SLC25A48: variants seen among roughly 807,000 people sequenced by gnomAD.
The protein encoded by SLC25A48 is CTC-321K16.1.
SLC25A48 carries 29 observed loss-of-function variants against 32.2 expected under a neutral mutation model. That is an observed-to-expected ratio of 0.90 (90% CI 0.67 to 1.23). The LOEUF (loss-of-function observed/expected upper bound fraction) is 1.23. Ranked by LOEUF, SLC25A48 falls within the 50% of genes most tolerant of loss-of-function variation. SLC25A48 has a pLI of 0.00. For missense variants in SLC25A48, 399 were observed against 422.7 expected, an observed-to-expected ratio of 0.94 and a Z score of 0.49; for synonymous variants, 164 against 172.3, an observed-to-expected ratio of 0.95 and a Z score of 0.38.
At chr5:135,830,186 A>G (rs1451633550), upstream of SLC25A48, among the ~76,000 whole-genome samples, 2 of 152,102 alleles carry the variant, frequency 1.3e-5, no homozygotes, top group East Asian at 1.9e-4. Context: ...TCTGCCAGCC[A>G]GTGCCAGGCA....
intron 5 of SLC25A48, 77 bp downstream of exon 5, chr5:135,871,795 T>C (rs1761674213): frequency 6.3e-7 from 1 of 1,588,680 alleles, no homozygotes; most frequent in African/African-American, 1.3e-5. Context: ...GCCATGCCCT[T>C]CTCAGCCCAG....
rs935626633 is a variant in SLC25A48 at position 135,888,486 on chromosome 5, C to G, written c.*462C>G. 4 of 183,414 alleles carry G rather than the reference C, an allele frequency of 2.2e-5. No homozygotes were observed. The highest frequency in any genetic ancestry group is 1.1e-4 in the Admixed American group (2 of 18,068). The allele number at this position is 183,414 out of a possible 1,614,324, so 11.4% of individuals were successfully genotyped here. Reference sequence around the variant, plus strand: ...CCAGGTTTTTCCCCGCTCCTGCACCCGTGGATCCTGAGGACAGCGGTAGCG... The same window carrying G: ...CCAGGTTTTTCCCCGCTCCTGCACCGGTGGATCCTGAGGACAGCGGTAGCG... On this transcript the variant is annotated 3_prime_UTR_variant, in exon 8 of 8. Transcript: ENST00000681962.
rs186562859 is a variant in SLC25A48, at chr5:135,794,264, C to T, written c.-520-18259C>T. 2.7e-5 allele frequency among the ~76,000 whole-genome samples: 4 copies of T among 150,048 alleles called. No individual in the cohort carries two copies. In the East Asian group the frequency reaches 7.9e-4, roughly 30 times the overall value. On this transcript the variant is annotated intron_variant, in intron 3 of 10. Transcript: ENST00000646290. The stretch of plus-strand genomic sequence containing the variant: ...AGGGGGGGAGTGGATGATGTTACTC[C>T]CAATATTGCGGGGGATATCCTTTGT...
intron 2 of SLC25A48, among the ~76,000 whole-genome samples, chr5:135,843,610 G>A (rs922305041): frequency 6.6e-6 from 1 of 152,192 alleles, no homozygotes; most frequent in Non-Finnish European, 1.5e-5. Context: ...TGAAGAGTCA[G>A]GGATGGCCTC....
At chr5:135,680,746 T>C (rs1344653571) in intron 3 of SLC25A48, among the ~76,000 whole-genome samples, 2 of 152,076 alleles carry the variant, frequency 1.3e-5, no homozygotes, top group African/African-American at 4.8e-5. Context: ...TCCCACCAGG[T>C]CCCTCCCATG....
At chr5:135,748,805 G>GC (rs1755702533) in intron 3 of SLC25A48, among the ~76,000 whole-genome samples, 1 of 148,272 alleles carries the variant, frequency 6.7e-6, no homozygotes, top group Non-Finnish European at 1.5e-5. Flanking sequence ...TGCAACCTCC[G>GC]CCTCCCAGGT....
chr5:135,721,054 T>G (rs1383442128), intron 3 of SLC25A48, among the ~76,000 whole-genome samples: 3 of 151,948 alleles, frequency 2.0e-5, no homozygotes, highest in Non-Finnish European at 4.4e-5. Context: ...TTATTTTTAT[T>G]TATTTGAGGC....
intron 3 of SLC25A48, among the ~76,000 whole-genome samples, chr5:135,785,243 C>T (rs1181502777): frequency 6.6e-6 from 1 of 151,988 alleles, no homozygotes; most frequent in African/African-American, 2.4e-5. Context: ...TCGTAATGTC[C>T]GGGTGGGGAG....
intron 1 of SLC25A48, among the ~76,000 whole-genome samples, chr5:135,628,978 T>A (rs1263486903): frequency 6.6e-6 from 1 of 152,218 alleles, no homozygotes; most frequent in Non-Finnish European, 1.5e-5. Flanking sequence ...TCCACAGCAC[T>A]GGGGCCAGGA....
At chr5:135,799,526 A>G (rs1299564633) in intron 3 of SLC25A48, among the ~76,000 whole-genome samples, 1 of 151,520 alleles carries the variant, frequency 6.6e-6, no homozygotes, top group Non-Finnish European at 1.5e-5. Context: ...TATTATTCCC[A>G]TTATCGAAGG....
chr5:135,861,422 CA>C (rs1477004953), intron 4 of SLC25A48, among the ~76,000 whole-genome samples: 5 of 151,870 alleles, frequency 3.3e-5, no homozygotes, highest in African/African-American at 1.2e-4. Flanking sequence ...CCACTGAACC[CA>C]AAAAAGGTTA....
At position 135,781,048 on chromosome 5, in the gene SLC25A48, AG is replaced by A. The variant is rs763794669; in HGVS notation, c.-520-31470del. The stretch of plus-strand genomic sequence containing the variant: ...ATGATGATTCTACTTCCAATATTGC[AG>A]GGGGCGTACACCACCTCTGATATTG... On this transcript the variant is annotated intron_variant, in intron 3 of 10. Coordinates refer to the SLC25A48 transcript ENST00000646290. Among the ~76,000 whole-genome samples, 7 of 116,180 alleles carry A rather than the reference AG, an allele frequency of 6.0e-5. 2 individuals are homozygous for A. Among genetic ancestry groups the A allele is most frequent in the Non-Finnish European group, 1.5e-4 (7 of 47,134 alleles). The allele number at this position is 116,180 out of a possible 152,430, so 76.2% of individuals were successfully genotyped here. A position where few individuals can be genotyped will look rare whatever the true frequency, so the allele number is the denominator to read the frequency against.
upstream of SLC25A48, among the ~76,000 whole-genome samples, chr5:135,832,556 T>C (rs898548970): frequency 2.0e-5 from 3 of 152,046 alleles, no homozygotes; most frequent in African/African-American, 7.2e-5. Context: ...TGGAGAGCCT[T>C]CCCTGATTGC....
chr5:135,717,793 T>C (rs1269917201), intron 3 of SLC25A48, among the ~76,000 whole-genome samples: 1 of 152,190 alleles, frequency 6.6e-6, no homozygotes, highest in East Asian at 1.9e-4. Context: ...GATTTCGGAC[T>C]TCTTGCCTTC....
intron 3 of SLC25A48, among the ~76,000 whole-genome samples, chr5:135,669,738 A>G (rs1351456383): frequency 2.6e-5 from 4 of 152,214 alleles, no homozygotes; most frequent in African/African-American, 9.6e-5. Flanking sequence ...TGAGTTCTCA[A>G]TGAACAGCCT....
At chr5:135,838,028 T>C (rs998558253) in intron 1 of SLC25A48, among the ~76,000 whole-genome samples, 1 of 152,118 alleles carries the variant, frequency 6.6e-6, no homozygotes, top group African/African-American at 2.4e-5. Flanking sequence ...TAGAGACTTG[T>C]TGAATGGTTT....
At chr5:135,593,606 A>T (rs1174539795) in intron 1 of SLC25A48, among the ~76,000 whole-genome samples, 1 of 152,240 alleles carries the variant, frequency 6.6e-6, no homozygotes, top group Admixed American at 6.5e-5. Flanking sequence ...GATGGAGGAC[A>T]GCGCCTTCAG....
intron 6 of SLC25A48, among the ~76,000 whole-genome samples, chr5:135,878,340 C>T (rs1241610341): frequency 6.6e-6 from 1 of 152,178 alleles, no homozygotes; most frequent in African/African-American, 2.4e-5. Flanking sequence ...CTGTGGGCAC[C>T]GGCATGGAAT....
chr5:135,583,050 C>T (rs1751268904), intron 1 of SLC25A48, among the ~76,000 whole-genome samples: 1 of 152,158 alleles, frequency 6.6e-6, no homozygotes, highest in South Asian at 2.1e-4. Flanking sequence ...CAGTGATTGG[C>T]ATGTAGCAGG....
Sources: gnomAD v4.1 joint callset for allele counts (sites outside exome capture counted in the v4.1 genomes callset) on GRCh38, gnomAD v4.1.1 for gene constraint, MANE v1.5 for transcripts, NCBI Gene and HGNC (gene_info 2026-07-23, HGNC 2026-07-21) for gene names.